The following TMCC3 variants were observed in gnomAD, a reference collection of about 807,000 sequenced individuals.
TMCC3 encodes transmembrane and coiled-coil domain family 3, also known as transmembrane and coiled-coil domain protein 3.
In TMCC3, 28 loss-of-function variants were observed where a neutral mutation model predicts 40.2. That is an observed-to-expected ratio of 0.70 (90% CI 0.52 to 0.95). TMCC3 has a LOEUF of 0.95. TMCC3 is among the 40% of genes least tolerant of loss of function. The pLI is 0.00. For synonymous variants in TMCC3, 255 were observed against 248.5 expected, an observed-to-expected ratio of 1.03 and a Z score of -0.25; for missense variants, 554 against 615.2, an observed-to-expected ratio of 0.90 and a Z score of 1.05.
At chr12:94,645,905 T>C (rs530277378) in intron 1 of TMCC3, among the ~76,000 whole-genome samples, 7 of 152,294 alleles carry the variant, frequency 4.6e-5, no homozygotes, top group Admixed American at 6.5e-5. Flanking sequence ...GTGGTTAACA[T>C]CTATTGATTT....
intron 1 of TMCC3, among the ~76,000 whole-genome samples, chr12:94,631,041 C>T (rs2068930874): frequency 6.6e-6 from 1 of 152,188 alleles, no homozygotes; most frequent in Admixed American, 6.5e-5. Flanking sequence ...CGGTGCCCGG[C>T]ATAAATGTTT....
At chr12:94,573,981 T>C (rs918778990) in intron 3 of TMCC3, among the ~76,000 whole-genome samples, 32 of 152,318 alleles carry the variant, frequency 2.1e-4, no homozygotes, top group African/African-American at 7.5e-4. Context: ...GGACAGGAAC[T>C]AGCCCATCTT....
intron 1 of TMCC3, among the ~76,000 whole-genome samples, chr12:94,600,835 G>C (rs946958050): frequency 6.6e-6 from 1 of 151,948 alleles, no homozygotes; most frequent in Non-Finnish European, 1.5e-5. Flanking sequence ...ATCTTTGCTG[G>C]GTTTTTTACT....
chr12:94,572,822 G>C (rs1373937432), intron 3 of TMCC3, among the ~76,000 whole-genome samples: 3 of 152,150 alleles, frequency 2.0e-5, no homozygotes, highest in African/African-American at 7.2e-5. Context: ...GGCGAGAGAA[G>C]GGAGGGGAAG....
chr12:94,645,542 A>G (rs1257164775), intron 1 of TMCC3, among the ~76,000 whole-genome samples: 1 of 152,160 alleles, frequency 6.6e-6, no homozygotes, highest in East Asian at 1.9e-4. Context: ...GGTTCAAGCG[A>G]TTCTCCTGCC....
chr12:94,644,613 A>G (rs1176048227), intron 1 of TMCC3, among the ~76,000 whole-genome samples: 1 of 152,190 alleles, frequency 6.6e-6, no homozygotes, highest in African/African-American at 2.4e-5. Flanking sequence ...AATGTAAGAA[A>G]AACCTGGCTT....
At position 94,620,797 on chromosome 12, in the gene TMCC3, A is replaced by G. The variant is rs75474228; in HGVS notation, c.78+29556T>C. ...GTCTGCTTTAGCAGTTAATGGTTTA[A>G]TCATTAACCAGGTCAGGGTATTTTT... On this transcript the variant is annotated intron_variant, in intron 1 of 3. Coordinates refer to ENST00000261226, the MANE Select transcript of TMCC3 (RefSeq NM_020698.4). Among the ~76,000 whole-genome samples the G allele has an allele frequency of 7.9e-3, 1,198 of 152,302 alleles. 8 individuals are homozygous for G. Among genetic ancestry groups the G allele is most frequent in the Non-Finnish European group, 0.011 (781 of 68,020 alleles).
At chr12:94,614,258 G>C (rs2068834806) in intron 1 of TMCC3, among the ~76,000 whole-genome samples, 1 of 152,014 alleles carries the variant, frequency 6.6e-6, no homozygotes, top group South Asian at 2.1e-4. Flanking sequence ...ATCTAAATTT[G>C]AGACCCTACT....
At chr12:94,620,762 A>G (rs1233975880) in intron 1 of TMCC3, among the ~76,000 whole-genome samples, 2 of 152,228 alleles carry the variant, frequency 1.3e-5, no homozygotes, top group East Asian at 1.9e-4. Context: ...CCAGATATAC[A>G]TTAGAATGGG....
chr12:94,574,485 C>A (rs2138816631), intron 3 of TMCC3, among the ~76,000 whole-genome samples: 1 of 152,198 alleles, frequency 6.6e-6, no homozygotes. Context: ...ATGTGCCCCT[C>A]TCTGTTCTAA....
intron 1 of TMCC3, among the ~76,000 whole-genome samples, chr12:94,596,305 A>G (rs150701249): frequency 1.3e-5 from 2 of 152,346 alleles, no homozygotes; most frequent in South Asian, 4.1e-4. Context: ...GTGACAGCTA[A>G]GAAGACACAG....
At chr12:94,572,621 T>G (rs1180446054) in intron 3 of TMCC3, among the ~76,000 whole-genome samples, 1 of 152,192 alleles carries the variant, frequency 6.6e-6, no homozygotes, top group Non-Finnish European at 1.5e-5. Flanking sequence ...TGACTTTACC[T>G]ATTTTTGAAA....
chr12:94,637,261 G>C (rs990950751), intron 1 of TMCC3, among the ~76,000 whole-genome samples: 1 of 152,124 alleles, frequency 6.6e-6, no homozygotes, highest in South Asian at 2.1e-4. Flanking sequence ...GCAATCATTG[G>C]GAGAAGCTGG....
intron 1 of TMCC3, among the ~76,000 whole-genome samples, chr12:94,588,526 A>G (rs530529440): frequency 2.0e-5 from 3 of 152,316 alleles, no homozygotes; most frequent in African/African-American, 7.2e-5. Context: ...ATTACAAGAA[A>G]AGGGTCAGAT....
rs1045495416 is a variant in TMCC3 at position 94,571,648 on chromosome 12, A to G, written c.1221T>C (p.Ala407=). The change falls in exon 4 of 4, where the codon GCT becomes GCC. Residue 407 remains alanine, a synonymous_variant. Transcript: ENST00000261226. ...TGATGCACCTCCCCAGGAGAACTTT[A>G]GCATTCACGGTGTCTGTCTGCAGAG... is the stretch of plus-strand genomic sequence containing the variant. ...QQALQTDTVN[A]KVLLGRCINV... The G allele has an allele frequency of 2.5e-6, 4 of 1,614,092 alleles. No individual in the cohort carries two copies. Among genetic ancestry groups the G allele is most frequent in the Non-Finnish European group, 3.4e-6 (4 of 1,180,050 alleles).
At chr12:94,629,280 G>A (rs1378019317) in intron 1 of TMCC3, among the ~76,000 whole-genome samples, 1 of 152,236 alleles carries the variant, frequency 6.6e-6, no homozygotes, top group African/African-American at 2.4e-5. Flanking sequence ...AGGAAGGGAG[G>A]GTGGGCCAGG....
chr12:94,589,995 T>G (rs1324325453), intron 1 of TMCC3, among the ~76,000 whole-genome samples: 1 of 152,170 alleles, frequency 6.6e-6, no homozygotes, highest in Non-Finnish European at 1.5e-5. Context: ...TAGACTACTC[T>G]GTCAGAAAAT....
intron 1 of TMCC3, among the ~76,000 whole-genome samples, chr12:94,612,528 T>C (rs2068822641): frequency 6.6e-6 from 1 of 152,160 alleles, no homozygotes; most frequent in African/African-American, 2.4e-5. Flanking sequence ...GCCAGGCTGG[T>C]CACGATCTCT....
intron 1 of TMCC3, chr12:94,644,252 T>C (rs2069006058): frequency 1.4e-5 from 4 of 294,994 alleles, no homozygotes; most frequent in Non-Finnish European, 2.0e-5. Flanking sequence ...TGATTCATGG[T>C]TCTCTTCCTC....
Sources: gnomAD v4.1 joint callset for allele counts (sites outside exome capture counted in the v4.1 genomes callset) on GRCh38, gnomAD v4.1.1 for gene constraint, MANE v1.5 for transcripts, NCBI Gene and HGNC (gene_info 2026-07-23, HGNC 2026-07-21) for gene names.